The following CDH13 variants were observed in gnomAD, a reference collection of about 807,000 sequenced individuals.
CDH13 encodes the protein cadherin 13, also known as cadherin-13.
CDH13 carries 24 observed loss-of-function variants against 63.8 expected under a neutral mutation model. The observed-to-expected ratio is 0.38, with a 90% CI of 0.27 to 0.53. The LOEUF (loss-of-function observed/expected upper bound fraction) is 0.53, where lower values mean the gene tolerates loss of function less well. Among genes scored for constraint, CDH13 ranks in the 20% least tolerant of loss-of-function variants. The probability of loss-of-function intolerance (pLI) is 0.85; values close to 1 mark genes in which losing one functional copy is unlikely to be tolerated. For missense variants in CDH13, 1,049 were observed against 903.1 expected (o/e 1.16, Z -2.07); for synonymous variants, 503 against 355.3 (o/e 1.42, Z -4.67).
Position 83,000,223 on chromosome 16 carries a change from A to ATTTTTTTTTTTTTT in CDH13, c.158-31759_158-31746dup, listed in dbSNP as rs746904500. ...CTAGGAATATCCACAGGTTTAGCTT[A>ATTTTTTTTTTTTTT]TTTTTTTTTTTTTTTTTTTTTTTTT... On this transcript the variant is annotated intron_variant, in intron 2 of 13. Coordinates refer to ENST00000567109, the MANE Select transcript of CDH13 (RefSeq NM_001257.5). 2.4e-4 allele frequency among the ~76,000 whole-genome samples: 9 copies of ATTTTTTTTTTTTTT among 37,030 alleles called. 3 individuals are homozygous for ATTTTTTTTTTTTTT. The highest frequency in any genetic ancestry group is 9.3e-4 in the South Asian group (1 of 1,076). 24.3% of individuals were successfully genotyped at this position (37,030 alleles called of 152,430 possible).
intron 8 of CDH13, among the ~76,000 whole-genome samples, chr16:83,607,276 T>G (rs1908433225): frequency 6.6e-6 from 1 of 151,940 alleles, no homozygotes; most frequent in Non-Finnish European, 1.5e-5. Flanking sequence ...AAAGATTAGC[T>G]GGGCATGGTG....
chr16:83,201,936 A>G (rs2039044868), intron 4 of CDH13, among the ~76,000 whole-genome samples: 1 of 152,056 alleles, frequency 6.6e-6, no homozygotes, highest in African/African-American at 2.4e-5. Flanking sequence ...AAAAAGATTG[A>G]GTAATGTCAG....
chr16:83,175,564 G>C (rs1416510950), intron 4 of CDH13, among the ~76,000 whole-genome samples: 1 of 152,088 alleles, frequency 6.6e-6, no homozygotes, highest in Non-Finnish European at 1.5e-5. Flanking sequence ...TGACCACAGA[G>C]GGACTGAACA....
chr16:83,494,246 G>C (rs185921310), intron 7 of CDH13, among the ~76,000 whole-genome samples: 2 of 152,016 alleles, frequency 1.3e-5, no homozygotes, highest in Non-Finnish European at 2.9e-5. Context: ...TATTTTATAT[G>C]AAGTACCCTA....
intron 1 of CDH13, among the ~76,000 whole-genome samples, chr16:82,790,622 G>A (rs58385982): frequency 0.042 from 6,425 of 152,150 alleles, 458 homozygotes; most frequent in African/African-American, 0.15. Context: ...AGGAAATACC[G>A]GAGACTAGGT....
At chr16:83,628,734 G>A (rs1598391514) in intron 8 of CDH13, among the ~76,000 whole-genome samples, 2 of 152,154 alleles carry the variant, frequency 1.3e-5, no homozygotes, top group South Asian at 4.1e-4. Flanking sequence ...CTGGGCCCGT[G>A]TTATTCATGG....
chr16:82,702,519 A>T (rs990505075), intron 1 of CDH13, among the ~76,000 whole-genome samples: 4 of 152,194 alleles, frequency 2.6e-5, no homozygotes, highest in African/African-American at 9.7e-5. Context: ...GCCATTCATT[A>T]AGAGAAGTTA....
intron 6 of CDH13, among the ~76,000 whole-genome samples, chr16:83,415,013 C>G (rs1314694719): frequency 6.6e-6 from 1 of 151,490 alleles, no homozygotes; most frequent in Non-Finnish European, 1.5e-5. Flanking sequence ...AATTGACAAA[C>G]CCTTAGCTAG....
intron 11 of CDH13, among the ~76,000 whole-genome samples, chr16:83,750,873 G>A (rs549508823): frequency 2.0e-5 from 3 of 151,808 alleles, no homozygotes; most frequent in African/African-American, 7.3e-5. Flanking sequence ...GTGGCACTTT[G>A]TTATGGCAAC....
intron 1 of CDH13, among the ~76,000 whole-genome samples, chr16:82,807,838 T>A (rs1181347724): frequency 6.6e-6 from 1 of 152,184 alleles, no homozygotes; most frequent in Non-Finnish European, 1.5e-5. Context: ...ACTGGGGACT[T>A]TTAACAAACT....
intron 3 of CDH13, among the ~76,000 whole-genome samples, chr16:83,067,889 G>A (rs1300255741): frequency 1.3e-5 from 2 of 151,468 alleles, no homozygotes; most frequent in East Asian, 1.9e-4. Flanking sequence ...CCTCCATTTC[G>A]CCACCTGCTC....
At chr16:82,655,455 G>C (rs1911189426) in intron 1 of CDH13, among the ~76,000 whole-genome samples, 1 of 152,180 alleles carries the variant, frequency 6.6e-6, no homozygotes, top group Non-Finnish European at 1.5e-5. Context: ...CAAAAAGCAA[G>C]TGCAAAGTCC....
chr16:82,785,370 G>A (rs1259143247), intron 1 of CDH13, among the ~76,000 whole-genome samples: 1 of 152,050 alleles, frequency 6.6e-6, no homozygotes. Flanking sequence ...TTGACTTCAG[G>A]CCTATTTAAT....
chr16:83,033,381 C>G (rs1036198924), intron 3 of CDH13, among the ~76,000 whole-genome samples: 2 of 152,130 alleles, frequency 1.3e-5, no homozygotes, highest in African/African-American at 4.8e-5. Context: ...CAGAGATAAG[C>G]TGCCCAACCT....
At chr16:83,490,697 G>C (rs1015995229) in intron 7 of CDH13, among the ~76,000 whole-genome samples, 2 of 152,182 alleles carry the variant, frequency 1.3e-5, no homozygotes, top group African/African-American at 4.8e-5. Flanking sequence ...AATATCTGTT[G>C]AGAGTTGAAA....
At chr16:83,583,429 C>T (rs951277972) in intron 7 of CDH13, among the ~76,000 whole-genome samples, 7 of 152,344 alleles carry the variant, frequency 4.6e-5, no homozygotes, top group African/African-American at 1.7e-4. Context: ...TTTTAAAGCT[C>T]ATATCTCTGT....
In CDH13 at chr16:83,436,619, C is replaced by T. The variant is rs117219985; in HGVS notation, c.782-49858C>T. 6.3e-3 allele frequency among the ~76,000 whole-genome samples: 966 copies of T among 152,360 alleles called. 6 individuals carry two copies. Among genetic ancestry groups the T allele is most frequent in the Non-Finnish European group, 8.7e-3 (595 of 68,030 alleles). ...GCCTTCCCTGAACTCATAAAGTTTGCTTCCTCTTTGAAAGAACTTAGTGCC... is the reference window on the plus strand; with the variant it reads ...GCCTTCCCTGAACTCATAAAGTTTGTTTCCTCTTTGAAAGAACTTAGTGCC... On this transcript the variant is annotated intron_variant, in intron 6 of 13. Transcript: ENST00000567109.
At chr16:82,801,105 T>C (rs1020617279) in intron 1 of CDH13, among the ~76,000 whole-genome samples, 3 of 152,160 alleles carry the variant, frequency 2.0e-5, no homozygotes, top group African/African-American at 4.8e-5. Context: ...CTAGAAAATG[T>C]TGGGTTTGTT....
At chr16:83,672,759 CTGTAGCA>C (rs1914623867) in intron 9 of CDH13, among the ~76,000 whole-genome samples, 1 of 152,122 alleles carries the variant, frequency 6.6e-6, no homozygotes, top group Non-Finnish European at 1.5e-5. Flanking sequence ...TTTCCTTGAG[CTGTAGCA>C]AACACATTTT....
Sources: gnomAD v4.1 joint callset for allele counts (sites outside exome capture counted in the v4.1 genomes callset) on GRCh38, gnomAD v4.1.1 for gene constraint, MANE v1.5 for transcripts, NCBI Gene and HGNC (gene_info 2026-07-23, HGNC 2026-07-21) for gene names.